Variants in KCNJ12 observed in about 807,000 individuals in gnomAD.
KCNJ12 encodes the protein potassium inwardly rectifying channel subfamily J member 12.
Under a neutral mutation model 22.3 loss-of-function variants are expected in KCNJ12, and 2 were observed. That is an observed-to-expected ratio of 0.09 (90% CI 0.04 to 0.28). The LOEUF is 0.28. Among genes scored for constraint, KCNJ12 ranks in the 10% least tolerant of loss-of-function variants. The pLI, the probability that KCNJ12 is intolerant of heterozygous loss-of-function variation, is 1.00. For missense variants in KCNJ12, 155 were observed against 633.3 expected, an observed-to-expected ratio of 0.24 and a Z score of 8.11; for synonymous variants, 117 against 261.4, an observed-to-expected ratio of 0.45 and a Z score of 5.33.
intron 1 of KCNJ12, among the ~76,000 whole-genome samples, chr17:21,382,787 A>G (rs943821866): frequency 1.1e-4 from 16 of 151,904 alleles, no homozygotes; most frequent in African/African-American, 3.6e-4. Context: ...CCAGGATGGG[A>G]GATTGTCTCC....
At chr17:21,388,061 C>T (rs1905121997) in intron 1 of KCNJ12, among the ~76,000 whole-genome samples, 1 of 152,156 alleles carries the variant, frequency 6.6e-6, no homozygotes, top group Non-Finnish European at 1.5e-5. Context: ...CTTGGCGTCT[C>T]CTTTGTTTTA....
intron 1 of KCNJ12, among the ~76,000 whole-genome samples, chr17:21,404,042 C>T (rs1217814415): frequency 2.0e-5 from 3 of 152,244 alleles, no homozygotes; most frequent in Non-Finnish European, 4.4e-5. Flanking sequence ...TGTGCCTGCA[C>T]ACGCTGAGCT....
chr17:21,388,414 C>T (rs1905129702), intron 1 of KCNJ12, among the ~76,000 whole-genome samples: 1 of 152,188 alleles, frequency 6.6e-6, no homozygotes, highest in Non-Finnish European at 1.5e-5. Flanking sequence ...TACCTGTGAC[C>T]CCCTTGCCAC....
chr17:21,388,998 C>T (rs1181539075), intron 1 of KCNJ12, among the ~76,000 whole-genome samples: 3 of 152,216 alleles, frequency 2.0e-5, no homozygotes, highest in Non-Finnish European at 4.4e-5. Flanking sequence ...TGCTCTCCCA[C>T]CCCCATCTGC....
intron 1 of KCNJ12, among the ~76,000 whole-genome samples, chr17:21,381,970 C>A (rs150789345): frequency 1.3e-5 from 2 of 152,318 alleles, no homozygotes; most frequent in African/African-American, 2.4e-5. Flanking sequence ...CCAGCATTGT[C>A]AGCCCATTCT....
intron 1 of KCNJ12, among the ~76,000 whole-genome samples, chr17:21,385,511 C>T (rs1038588688): frequency 5.3e-5 from 8 of 152,222 alleles, no homozygotes; most frequent in African/African-American, 1.9e-4. Context: ...TCAGCAGCAC[C>T]TGCCCAGTCA....
At chr17:21,384,598 G>C (rs908917676) in intron 1 of KCNJ12, among the ~76,000 whole-genome samples, 1 of 152,086 alleles carries the variant, frequency 6.6e-6, no homozygotes, top group African/African-American at 2.4e-5. Flanking sequence ...GGAGCTCGGA[G>C]GGGAGGCGCT....
intron 2 of KCNJ12, among the ~76,000 whole-genome samples, 153 bp downstream of exon 2, chr17:21,408,793 C>T (rs1176560880): frequency 5.9e-5 from 9 of 152,186 alleles, no homozygotes; most frequent in African/African-American, 2.2e-4. Flanking sequence ...ATCCACCCAC[C>T]CATGCCTCCA....
chr17:21,396,425 A>T (rs1905365291), intron 1 of KCNJ12, among the ~76,000 whole-genome samples: 1 of 152,098 alleles, frequency 6.6e-6, no homozygotes, highest in South Asian at 2.1e-4. Context: ...TGCTGTGCAC[A>T]GGTCCTGCCA....
At chr17:21,390,858 A>G (rs1905192597) in intron 1 of KCNJ12, among the ~76,000 whole-genome samples, 1 of 152,222 alleles carries the variant, frequency 6.6e-6, no homozygotes, top group East Asian at 1.9e-4. Flanking sequence ...AAAGTGAACA[A>G]TTCAGTGGTA....
At chr17:21,397,934 C>T (rs900460441) in intron 1 of KCNJ12, among the ~76,000 whole-genome samples, 1 of 152,178 alleles carries the variant, frequency 6.6e-6, no homozygotes, top group African/African-American at 2.4e-5. Context: ...CTTTCAGCCT[C>T]TTTGTGCTCA....
At chr17:21,384,865 C>T (rs1454305810) in intron 1 of KCNJ12, among the ~76,000 whole-genome samples, 1 of 151,664 alleles carries the variant, frequency 6.6e-6, no homozygotes, top group Non-Finnish European at 1.5e-5. Context: ...CTCCGCCTCC[C>T]GGGTTCACGC....
rs138674608 is a variant in KCNJ12 at position 21,391,242 on chromosome 17, C to T, written c.-179+14329C>T. On this transcript the variant is annotated intron_variant, in intron 1 of 2. Coordinates refer to ENST00000583088, the MANE Select transcript of KCNJ12 (RefSeq NM_021012.5). ...CTTTGGCACCTGTGAACGGTGCTGC[C>T]GTGGACATGGAACACAGGTTCCCTT... Among the ~76,000 whole-genome samples, 536 of 152,322 alleles carry T rather than the reference C, an allele frequency of 3.5e-3. 1 individual carries two copies. The highest frequency in any genetic ancestry group is 6.1e-3 in the Non-Finnish European group (418 of 68,026).
chr17:21,383,228 C>T (rs1240430315), intron 1 of KCNJ12, among the ~76,000 whole-genome samples: 1 of 152,224 alleles, frequency 6.6e-6, no homozygotes, highest in African/African-American at 2.4e-5. Flanking sequence ...TGCAGCCGGG[C>T]CCGAGCTGGC....
At chr17:21,382,386 G>A (rs1904898198) in intron 1 of KCNJ12, among the ~76,000 whole-genome samples, 1 of 152,176 alleles carries the variant, frequency 6.6e-6, no homozygotes, top group Non-Finnish European at 1.5e-5. Flanking sequence ...TGAGGGGATG[G>A]GGCTGGCAGG....
intron 1 of KCNJ12, among the ~76,000 whole-genome samples, chr17:21,377,864 TC>T (rs1213003324): frequency 3.0e-4 from 46 of 152,186 alleles, no homozygotes; most frequent in African/African-American, 1.0e-3. Context: ...ACCTGGGACC[TC>T]CCCCTCCCCA....
intron 1 of KCNJ12, among the ~76,000 whole-genome samples, chr17:21,392,854 C>G (rs1320855716): frequency 6.6e-6 from 1 of 152,152 alleles, no homozygotes; most frequent in Non-Finnish European, 1.5e-5. Flanking sequence ...TGCCTGCAGG[C>G]ATAGGCCATA....
chr17:21,394,615 G>A (rs1905291806), intron 1 of KCNJ12, among the ~76,000 whole-genome samples: 1 of 152,224 alleles, frequency 6.6e-6, no homozygotes, highest in Non-Finnish European at 1.5e-5. Flanking sequence ...CTCTGTGCCT[G>A]CCCTGTGCTG....
intron 1 of KCNJ12, among the ~76,000 whole-genome samples, chr17:21,407,932 A>G (rs1343716948): frequency 1.3e-5 from 2 of 151,758 alleles, no homozygotes; most frequent in Non-Finnish European, 2.9e-5. Flanking sequence ...CTACCCACTC[A>G]TCCATTTATC....
Sources: gnomAD v4.1 joint callset for allele counts (sites outside exome capture counted in the v4.1 genomes callset) on GRCh38, gnomAD v4.1.1 for gene constraint, MANE v1.5 for transcripts, NCBI Gene and HGNC (gene_info 2026-07-23, HGNC 2026-07-21) for gene names.